SERGEF: variants seen among roughly 807,000 people sequenced by gnomAD.
SERGEF encodes secretion-regulating guanine nucleotide exchange factor.
In SERGEF, 51 loss-of-function variants were observed where a neutral mutation model predicts 50.0. That is an observed-to-expected ratio of 1.02 (90% CI 0.81 to 1.29). The LOEUF (loss-of-function observed/expected upper bound fraction) is 1.29, where lower values mean the gene tolerates loss of function less well. Ranked by LOEUF, SERGEF falls within the 50% of genes most tolerant of loss-of-function variation. The pLI, the probability that SERGEF is intolerant of heterozygous loss-of-function variation, is 0.00. For synonymous variants in SERGEF, 205 were observed against 212.4 expected (o/e 0.97, Z 0.30); for missense variants, 521 against 557.0 (o/e 0.94, Z 0.65).
At chr11:17,941,140 T>C (rs1852555581) in intron 9 of SERGEF, among the ~76,000 whole-genome samples, 1 of 152,266 alleles carries the variant, frequency 6.6e-6, no homozygotes, top group South Asian at 2.1e-4. Flanking sequence ...TCTTTTTAAA[T>C]GTATTTTAAA....
At chr11:17,847,698 C>T (rs1183335032) in intron 10 of SERGEF, among the ~76,000 whole-genome samples, 1 of 152,116 alleles carries the variant, frequency 6.6e-6, no homozygotes, top group African/African-American at 2.4e-5. Context: ...GAAGGCCAAT[C>T]AAAGAATTAG....
At chr11:17,963,107 G>A (rs1303204235) in intron 8 of SERGEF, among the ~76,000 whole-genome samples, 1 of 150,546 alleles carries the variant, frequency 6.6e-6, no homozygotes, top group African/African-American at 2.4e-5. Flanking sequence ...ACTTGAACCT[G>A]GGAGGCAGAG....
chr11:17,800,137 T>C (rs996231123), intron 10 of SERGEF, among the ~76,000 whole-genome samples: 1 of 152,226 alleles, frequency 6.6e-6, no homozygotes, highest in African/African-American at 2.4e-5. Context: ...ATACTTTTAA[T>C]ATATATTAAT....
intron 9 of SERGEF, among the ~76,000 whole-genome samples, chr11:17,910,456 T>C (rs1370978529): frequency 1.4e-4 from 22 of 152,154 alleles, no homozygotes; most frequent in Non-Finnish European, 1.5e-5. Flanking sequence ...CTTGTTATGT[T>C]GTCGAGGCTG....
At chr11:17,931,312 TG>T (rs1326882363) in intron 9 of SERGEF, among the ~76,000 whole-genome samples, 2 of 152,130 alleles carry the variant, frequency 1.3e-5, no homozygotes, top group Non-Finnish European at 2.9e-5. Flanking sequence ...AGAAAGAACA[TG>T]GGGGCAAAAA....
intron 10 of SERGEF, among the ~76,000 whole-genome samples, chr11:17,830,105 T>C (rs1372407678): frequency 6.6e-6 from 1 of 152,190 alleles, no homozygotes; most frequent in Non-Finnish European, 1.5e-5. Context: ...AAAGCACTAA[T>C]ACCCACCTCT....
At chr11:17,946,286 C>G (rs528019838) in intron 9 of SERGEF, among the ~76,000 whole-genome samples, 1 of 152,172 alleles carries the variant, frequency 6.6e-6, no homozygotes, top group Non-Finnish European at 1.5e-5. Flanking sequence ...CTTGGACTAA[C>G]GACCACCACT....
intron 9 of SERGEF, among the ~76,000 whole-genome samples, chr11:17,932,765 C>A (rs1218526523): frequency 6.6e-6 from 1 of 151,966 alleles, no homozygotes; most frequent in African/African-American, 2.4e-5. Context: ...AATAGAGATG[C>A]GGAACAAATG....
At chr11:17,904,370 T>C (rs370251949) in intron 9 of SERGEF, among the ~76,000 whole-genome samples, 7 of 152,180 alleles carry the variant, frequency 4.6e-5, no homozygotes, top group African/African-American at 1.4e-4. Flanking sequence ...GAGGCTGGGA[T>C]CCTGGAAAGA....
intron 9 of SERGEF, among the ~76,000 whole-genome samples, chr11:17,951,176 C>G (rs1330611915): frequency 6.6e-6 from 1 of 152,150 alleles, no homozygotes; most frequent in Non-Finnish European, 1.5e-5. Flanking sequence ...AGCTCTGACC[C>G]ATACTTTTAA....
At position 17,861,389 on chromosome 11, in the gene SERGEF, A is replaced by T. The variant is rs143709976; in HGVS notation, c.1048+16819T>A. ...ATCTTGCCCGTGGTCAGATATCAAGATATTAAGCAGCAGAACTGGAAATGG... is the reference window on the plus strand; with the variant it reads ...ATCTTGCCCGTGGTCAGATATCAAGTTATTAAGCAGCAGAACTGGAAATGG... On this transcript the variant is annotated intron_variant, in intron 10 of 10. Transcript: ENST00000265965. Among the ~76,000 whole-genome samples the T allele has an allele frequency of 2.0e-5, 3 of 152,358 alleles. No individual in the cohort carries two copies. In the East Asian group the frequency reaches 5.8e-4, roughly 29 times the overall value.
At chr11:17,858,803 G>T (rs1428463646) in intron 10 of SERGEF, among the ~76,000 whole-genome samples, 1 of 152,098 alleles carries the variant, frequency 6.6e-6, no homozygotes, top group East Asian at 1.9e-4. Flanking sequence ...CTCTAAGCCT[G>T]AAGAAGTAAG....
chr11:17,846,061 T>C (rs1045580728), intron 10 of SERGEF, among the ~76,000 whole-genome samples: 1 of 152,216 alleles, frequency 6.6e-6, no homozygotes, highest in Non-Finnish European at 1.5e-5. Flanking sequence ...CAGATAAGAC[T>C]GAAGCCACAG....
At chr11:17,843,361 A>G in intron 10 of SERGEF, among the ~76,000 whole-genome samples, 1 of 152,226 alleles carries the variant, frequency 6.6e-6, no homozygotes, top group East Asian at 1.9e-4. Context: ...TTCCTACTAT[A>G]TGTCAAGCAC....
At chr11:17,975,877 T>G (rs1044259356) in intron 8 of SERGEF, among the ~76,000 whole-genome samples, 2 of 152,134 alleles carry the variant, frequency 1.3e-5, no homozygotes, top group African/African-American at 4.8e-5. Flanking sequence ...ACTTCCCACT[T>G]CTATAGATTT....
At chr11:17,907,724 G>A (rs2133926456) in intron 9 of SERGEF, among the ~76,000 whole-genome samples, 1 of 152,210 alleles carries the variant, frequency 6.6e-6, no homozygotes, top group South Asian at 2.1e-4. Context: ...AAAATAACCT[G>A]GACATTAGTC....
chr11:17,986,992 T>C (rs990676185), intron 8 of SERGEF, among the ~76,000 whole-genome samples: 6 of 152,234 alleles, frequency 3.9e-5, no homozygotes, highest in Non-Finnish European at 8.8e-5. Flanking sequence ...GATGCATGGA[T>C]GATAAAGTTT....
chr11:17,799,391 T>G (rs972778928), intron 10 of SERGEF, among the ~76,000 whole-genome samples: 1 of 152,224 alleles, frequency 6.6e-6, no homozygotes, highest in Admixed American at 6.5e-5. Flanking sequence ...CTGGCCCGTA[T>G]GCTGGTGGTT....
At chr11:17,904,345 A>C (rs1851801021) in intron 9 of SERGEF, among the ~76,000 whole-genome samples, 1 of 152,192 alleles carries the variant, frequency 6.6e-6, no homozygotes, top group Non-Finnish European at 1.5e-5. Flanking sequence ...CTTAAGATAA[A>C]TGTCCATGAC....
Sources: gnomAD v4.1 joint callset for allele counts (sites outside exome capture counted in the v4.1 genomes callset) on GRCh38, gnomAD v4.1.1 for gene constraint, MANE v1.5 for transcripts, NCBI Gene and HGNC (gene_info 2026-07-23, HGNC 2026-07-21) for gene names.